The following ADAMTS12 variants were observed in gnomAD, a reference collection of about 807,000 sequenced individuals.
ADAMTS12 encodes ADAM metallopeptidase with thrombospondin type 1 motif 12.
ADAMTS12 carries 118 observed loss-of-function variants against 167.8 expected under a neutral mutation model. The ratio of observed to expected loss-of-function variants is 0.70; its 90% CI spans 0.61 to 0.82. The LOEUF is 0.82. Ranked by LOEUF, ADAMTS12 falls within the 40% of genes least tolerant of loss-of-function variation. The probability of loss-of-function intolerance (pLI) is 0.00; values close to 1 mark genes in which losing one functional copy is unlikely to be tolerated. For missense variants in ADAMTS12, 1,916 were observed against 1,998.8 expected (o/e 0.96, Z 0.79); for synonymous variants, 704 against 716.9 (o/e 0.98, Z 0.29).
intron 2 of ADAMTS12, among the ~76,000 whole-genome samples, chr5:33,771,561 C>A (rs1308379750): frequency 6.6e-6 from 1 of 151,978 alleles, no homozygotes; most frequent in African/African-American, 2.4e-5. Flanking sequence ...AAATAAATAT[C>A]CATACAGCAA....
intron 2 of ADAMTS12, among the ~76,000 whole-genome samples, chr5:33,858,653 A>C (rs1267242365): frequency 4.5e-5 from 6 of 133,996 alleles, no homozygotes; most frequent in Non-Finnish European, 9.4e-5. Flanking sequence ...GCAAGACATC[A>C]TCTCAAAAAA....
intron 23 of ADAMTS12, among the ~76,000 whole-genome samples, chr5:33,533,252 G>A (rs976624254): frequency 9.9e-5 from 15 of 152,200 alleles, no homozygotes; most frequent in African/African-American, 3.1e-4. Flanking sequence ...GATCAACCAA[G>A]AGTAAGTTGT....
chr5:33,699,725 C>T (rs948375030), intron 3 of ADAMTS12, among the ~76,000 whole-genome samples: 1 of 151,976 alleles, frequency 6.6e-6, no homozygotes, highest in East Asian at 1.9e-4. Context: ...AATTATATCT[C>T]AAGAAAGCTT....
intron 5 of ADAMTS12, among the ~76,000 whole-genome samples, chr5:33,676,909 CAAG>C (rs1741934662): frequency 6.6e-6 from 1 of 152,098 alleles, no homozygotes; most frequent in Non-Finnish European, 1.5e-5. Flanking sequence ...CTCAGTACAC[CAAG>C]AAGAATTTCT....
chr5:33,838,448 C>T (rs1158413982), intron 2 of ADAMTS12, among the ~76,000 whole-genome samples: 3 of 152,168 alleles, frequency 2.0e-5, no homozygotes, highest in South Asian at 2.1e-4. Flanking sequence ...TTTGGGAAGC[C>T]GAAGAAGGCA....
intron 3 of ADAMTS12, among the ~76,000 whole-genome samples, chr5:33,700,055 T>C (rs1421822626): frequency 1.3e-5 from 2 of 152,168 alleles, no homozygotes; most frequent in African/African-American, 4.8e-5. Context: ...CCAAATGCTG[T>C]TGAGGATGTG....
At chr5:33,551,781 A>T (rs1182917919) in intron 20 of ADAMTS12, among the ~76,000 whole-genome samples, 1 of 152,226 alleles carries the variant, frequency 6.6e-6, no homozygotes, top group Non-Finnish European at 1.5e-5. Flanking sequence ...ATCTATCATT[A>T]TTCTATTCCA....
intron 7 of ADAMTS12, among the ~76,000 whole-genome samples, chr5:33,654,896 G>GTGTC (rs1187831465): frequency 4.0e-5 from 6 of 151,474 alleles, no homozygotes; most frequent in Non-Finnish European, 5.9e-5. Context: ...GTGTGTGTGT[G>GTGTC]TGTGTGTGTG....
At chr5:33,729,913 C>T (rs1744120313) in intron 3 of ADAMTS12, among the ~76,000 whole-genome samples, 2 of 152,228 alleles carry the variant, frequency 1.3e-5, no homozygotes, top group South Asian at 2.1e-4. Context: ...CAGCATGTGG[C>T]TTTCCAAATA....
chr5:33,730,321 T>TGC (rs1491223213), intron 3 of ADAMTS12, among the ~76,000 whole-genome samples: 5 of 140,184 alleles, frequency 3.6e-5, no homozygotes, highest in African/African-American at 1.3e-4. Flanking sequence ...TGTGTGTGTG[T>TGC]CTGTGTGTGT....
chr5:33,546,649 G>A (rs1579647730), intron 21 of ADAMTS12, among the ~76,000 whole-genome samples: 1 of 152,266 alleles, frequency 6.6e-6, no homozygotes, highest in South Asian at 2.1e-4. Context: ...TAAAATGGAT[G>A]GATTTGCTCA....
At chr5:33,742,991 C>T (rs1016977073) in intron 3 of ADAMTS12, among the ~76,000 whole-genome samples, 6 of 152,168 alleles carry the variant, frequency 3.9e-5, no homozygotes, top group Non-Finnish European at 7.3e-5. Context: ...TACAAAGTGA[C>T]GGAGGAAAAG....
chr5:33,606,619 A>G (rs1250814765), intron 16 of ADAMTS12, among the ~76,000 whole-genome samples: 1 of 152,156 alleles, frequency 6.6e-6, no homozygotes, highest in African/African-American at 2.4e-5. Context: ...AATCTCCCCC[A>G]CCTAACCAAA....
intron 14 of ADAMTS12, among the ~76,000 whole-genome samples, chr5:33,622,547 G>A (rs529407655): frequency 3.3e-5 from 5 of 152,238 alleles, no homozygotes; most frequent in Middle Eastern, 3.4e-3. Flanking sequence ...CCAGCTACTC[G>A]GGAGGCTGAG....
At chr5:33,796,212 C>T (rs936434945) in intron 2 of ADAMTS12, among the ~76,000 whole-genome samples, 4 of 152,224 alleles carry the variant, frequency 2.6e-5, no homozygotes, top group Admixed American at 6.5e-5. Flanking sequence ...GCGTGGCATA[C>T]TCTATCCACC....
chr5:33,878,356 C>A (rs1183558159), intron 2 of ADAMTS12, among the ~76,000 whole-genome samples: 1 of 151,964 alleles, frequency 6.6e-6, no homozygotes, highest in Admixed American at 6.6e-5. Flanking sequence ...AGTAGAATTT[C>A]TTCTGGCAAA....
intron 23 of ADAMTS12, among the ~76,000 whole-genome samples, chr5:33,533,269 A>G (rs1744206572): frequency 6.6e-6 from 1 of 152,252 alleles, no homozygotes; most frequent in Non-Finnish European, 1.5e-5. Context: ...TTGTTGCTTC[A>G]GTTATATAAA....
rs971004965 is a variant in ADAMTS12 at position 33,772,425 on chromosome 5, C to T, written c.490-20877G>A. The stretch of plus-strand genomic sequence containing the variant: ...TCTTCTACCAGTGGGTCCAACTGAG[C>T]AGTGTGAGATGAAACTAATTTACCA... On this transcript the variant is annotated intron_variant, in intron 2 of 23. Coordinates refer to ENST00000504830, the MANE Select transcript of ADAMTS12 (RefSeq NM_030955.4). Among the ~76,000 whole-genome samples, 3 of 152,134 alleles carry T rather than the reference C, an allele frequency of 2.0e-5. No homozygotes were observed. The South Asian group carries it at 6.2e-4, about 32-fold the overall frequency.
At chr5:33,788,953 T>TC (rs1746430945) in intron 2 of ADAMTS12, among the ~76,000 whole-genome samples, 1 of 152,200 alleles carries the variant, frequency 6.6e-6, no homozygotes, top group Non-Finnish European at 1.5e-5. Flanking sequence ...GCAGAGGTTC[T>TC]TCCCTTCCCA....
Sources: allele counts gnomAD v4.1 joint callset (sites outside exome capture counted in the v4.1 genomes callset), GRCh38; gene constraint gnomAD v4.1.1; transcripts MANE v1.5; gene names NCBI Gene and HGNC (gene_info 2026-07-23, HGNC 2026-07-21).